Variants in ZBTB17 observed in about 807,000 individuals in gnomAD.
The protein encoded by ZBTB17 is zinc finger and BTB domain-containing protein 17.
Under a neutral mutation model 85.1 loss-of-function variants are expected in ZBTB17, and 24 were observed. The observed-to-expected ratio is 0.28, with a 90% CI of 0.20 to 0.40. The LOEUF is 0.40. Among genes scored for constraint, ZBTB17 ranks in the 10% least tolerant of loss-of-function variants. The pLI, the probability that ZBTB17 is intolerant of heterozygous loss-of-function variation, is 1.00. For missense variants in ZBTB17, 743 were observed against 1,105.1 expected, an observed-to-expected ratio of 0.67 and a Z score of 4.65; for synonymous variants, 464 against 460.2, an observed-to-expected ratio of 1.01 and a Z score of -0.11.
At chr1:15,974,839 G>A (rs543293388) in intron 1 of ZBTB17, among the ~76,000 whole-genome samples, 6 of 152,222 alleles carry the variant, frequency 3.9e-5, no homozygotes, top group Non-Finnish European at 7.3e-5. Context: ...GCCTCCCAAA[G>A]TGCTGAGATT....
Position 15,945,899 on chromosome 1 carries a change from T to C in ZBTB17, c.536-59A>G, listed in dbSNP as rs955081471. 2.6e-6 allele frequency: 4 copies of C among 1,564,104 alleles called. No homozygotes were observed. The African/African-American group carries it at 5.4e-5, about 21-fold the overall frequency. ...ACCCTCTGCCCAGGGGTCGGATACC[T>C]CTCCTGGACCAGCGCGCTGGTGGTG... On this transcript the variant is annotated intron_variant, in intron 5 of 15. Transcript: ENST00000375743.
At chr1:15,968,763 G>A (rs2072534866) in intron 2 of ZBTB17, among the ~76,000 whole-genome samples, 1 of 152,218 alleles carries the variant, frequency 6.6e-6, no homozygotes, top group Non-Finnish European at 1.5e-5. Context: ...GACTGTCCAT[G>A]CACAACCTGG....
intron 9 of ZBTB17, 24 bp from the exon 10 acceptor site, chr1:15,943,919 G>C: frequency 6.4e-7 from 1 of 1,572,886 alleles, no homozygotes. Context: ...GGGGTCAGGG[G>C]GGCCACCCCA....
At chr1:15,957,980 G>C (rs2072112133) in intron 2 of ZBTB17, among the ~76,000 whole-genome samples, 1 of 152,104 alleles carries the variant, frequency 6.6e-6, no homozygotes, top group Non-Finnish European at 1.5e-5. Context: ...AAAGCCACAA[G>C]GTGGAACAAG....
rs376411071 is a variant in ZBTB17 at position 15,964,275 on chromosome 1, T to C, written c.-3+8764A>G. 1.1e-3 allele frequency among the ~76,000 whole-genome samples: 167 copies of C among 152,378 alleles called. 1 individual carries two copies. Among genetic ancestry groups the C allele is most frequent in the South Asian group, 4.1e-3 (20 of 4,830 alleles). On this transcript the variant is annotated intron_variant, in intron 2 of 15. Coordinates refer to ENST00000375743, the MANE Select transcript of ZBTB17 (RefSeq NM_003443.3). This position sits in a 1 kb window ranked among gnomAD's most constrained non-coding sequence, Gnocchi z 4.3. ...ACTAAATTTAGACTTTGATAAGTTA[T>C]GTAAATTGAAAGCTATACCACATTT...
chr1:15,956,642 A>G (rs1255358491), intron 2 of ZBTB17, among the ~76,000 whole-genome samples: 1 of 152,222 alleles, frequency 6.6e-6, no homozygotes, highest in East Asian at 1.9e-4. Context: ...TAATTATTGC[A>G]TTGCCCTTTA....
rs1258132744 is a variant in ZBTB17, at chr1:15,953,724, T to C, written c.-2-5227A>G. ...CTCCCGGGACAGGCCAAGCAGGACCTGGATCTGGGTTCCACCAGCCACCCG... is the reference window on the plus strand; with the variant it reads ...CTCCCGGGACAGGCCAAGCAGGACCCGGATCTGGGTTCCACCAGCCACCCG... On this transcript the variant is annotated intron_variant, in intron 2 of 15. Coordinates refer to ENST00000375743, the MANE Select transcript of ZBTB17 (RefSeq NM_003443.3). This position sits in a 1 kb window ranked among gnomAD's most constrained non-coding sequence, Gnocchi z 5.1. Among the ~76,000 whole-genome samples, 1 of 152,232 alleles carries C rather than the reference T, an allele frequency of 6.6e-6. No homozygotes were observed. Among genetic ancestry groups the C allele is most frequent in the Admixed American group, 6.5e-5 (1 of 15,282 alleles).
At position 15,964,771 on chromosome 1, in the gene ZBTB17, C is replaced by T. The variant is rs569815661; in HGVS notation, c.-3+8268G>A. On this transcript the variant is annotated intron_variant, in intron 2 of 15. Transcript: ENST00000375743. The surrounding 1 kb of genome is among the most constrained non-coding windows in gnomAD (Gnocchi z 4.3). Reference sequence around the variant, plus strand: ...AATGGGCCAAGGATTTACTAGACACCAGTTCACCAGTTTTCTAAAATGATG... The same window carrying T: ...AATGGGCCAAGGATTTACTAGACACTAGTTCACCAGTTTTCTAAAATGATG... Among the ~76,000 whole-genome samples, 1 of 152,068 alleles carries T rather than the reference C, an allele frequency of 6.6e-6. No individual in the cohort carries two copies. Among genetic ancestry groups the T allele is most frequent in the East Asian group, 1.9e-4 (1 of 5,148 alleles).
In ZBTB17 at chr1:15,966,131, G is replaced by C. The variant is rs2072431021; in HGVS notation, c.-3+6908C>G. On this transcript the variant is annotated intron_variant, in intron 2 of 15. Coordinates refer to ENST00000375743, the MANE Select transcript of ZBTB17 (RefSeq NM_003443.3). The surrounding 1 kb of genome is among the most constrained non-coding windows in gnomAD (Gnocchi z 4.1). ...TTGCCAAGCATTAATTTGGGCTGCT[G>C]ACTGAGTCACAGTAACGGGGGAAAA... 6.6e-6 allele frequency among the ~76,000 whole-genome samples: 1 copy of C among 152,182 alleles called. No homozygotes were observed. Among genetic ancestry groups the C allele is most frequent in the South Asian group, 2.1e-4 (1 of 4,822 alleles).
Position 15,946,111 on chromosome 1 carries a change from G to T in ZBTB17, c.535+43C>A, listed in dbSNP as rs745902917. 4 of 1,601,082 alleles carry T rather than the reference G, an allele frequency of 2.5e-6. No homozygotes were observed. In the Admixed American group the frequency reaches 6.7e-5, roughly 27 times the overall value. ...CACTACCCTGTGCCCAGGCTGCTGG[G>T]AGGTGACAGGACAGCCGGCTGGGTC... On this transcript the variant is annotated intron_variant, in intron 5 of 15. Coordinates refer to ENST00000375743, the MANE Select transcript of ZBTB17 (RefSeq NM_003443.3).
At chr1:15,968,898 C>G (rs1473151052) in intron 2 of ZBTB17, among the ~76,000 whole-genome samples, 1 of 152,208 alleles carries the variant, frequency 6.6e-6, no homozygotes, top group Non-Finnish European at 1.5e-5. Flanking sequence ...AGGTAAGTAA[C>G]ATTTCATAAA....
intron 2 of ZBTB17, among the ~76,000 whole-genome samples, chr1:15,956,521 G>A (rs2072049930): frequency 6.6e-6 from 1 of 152,158 alleles, no homozygotes; most frequent in African/African-American, 2.4e-5. Context: ...AAAAGTGAAT[G>A]TCCATTCCAT....
At chr1:15,955,920 C>T (rs1276987019) in intron 2 of ZBTB17, among the ~76,000 whole-genome samples, 1 of 152,212 alleles carries the variant, frequency 6.6e-6, no homozygotes, top group East Asian at 1.9e-4. Context: ...GGGGCAGACA[C>T]CCCTCTGCCT....
chr1:15,956,011 T>G (rs1473313605), intron 2 of ZBTB17, among the ~76,000 whole-genome samples: 1 of 152,164 alleles, frequency 6.6e-6, no homozygotes, highest in Non-Finnish European at 1.5e-5. Context: ...TGTCCAGGAT[T>G]CCAGCAGCCC....
intron 2 of ZBTB17, among the ~76,000 whole-genome samples, chr1:15,972,050 G>A (rs1002088327): frequency 6.6e-6 from 1 of 152,092 alleles, no homozygotes; most frequent in African/African-American, 2.4e-5. Flanking sequence ...TGCGCGGTTT[G>A]CAACATCTTC....
chr1:15,975,160 GGT>G (rs1380013821), intron 1 of ZBTB17, among the ~76,000 whole-genome samples: 1 of 152,140 alleles, frequency 6.6e-6, no homozygotes. Context: ...CTGAGCTCTG[GGT>G]GACAATGGTG....
chr1:15,972,626 C>T (rs1051474863), intron 2 of ZBTB17, among the ~76,000 whole-genome samples: 4 of 152,174 alleles, frequency 2.6e-5, no homozygotes, highest in Non-Finnish European at 5.9e-5. Flanking sequence ...CTACAGCAGC[C>T]AGCTTGGACC....
chr1:15,962,724 C>G (rs1052649384), intron 2 of ZBTB17, among the ~76,000 whole-genome samples: 2 of 152,176 alleles, frequency 1.3e-5, no homozygotes, highest in Non-Finnish European at 2.9e-5. Flanking sequence ...TCTCTGTCAT[C>G]ACAGGCACAT....
chr1:15,952,446 G>A lies in ZBTB17; in HGVS notation c.-2-3949C>T, dbSNP rs899788836. ...ACAGACGCGGCAGAACCGACACGGC[G>A]GAACGGACGCGGATGATGCAGAGCC... On this transcript the variant is annotated intron_variant, in intron 2 of 15. Transcript: ENST00000375743. This position sits in a 1 kb window ranked among gnomAD's most constrained non-coding sequence, Gnocchi z 4.3. 7.2e-5 allele frequency among the ~76,000 whole-genome samples: 11 copies of A among 152,340 alleles called. No individual in the cohort carries two copies. The highest frequency in any genetic ancestry group is 8.8e-5 in the Non-Finnish European group (6 of 68,042).
Sources: allele counts gnomAD v4.1 joint callset (sites outside exome capture counted in the v4.1 genomes callset), GRCh38; gene constraint gnomAD v4.1.1; non-coding constraint Gnocchi (gnomAD v3.1); transcripts MANE v1.5; gene names NCBI Gene and HGNC (gene_info 2026-07-23, HGNC 2026-07-21).